Variants in DAB1 observed in about 807,000 individuals in gnomAD.
The protein encoded by DAB1 is disabled homolog 1.
Under a neutral mutation model 64.6 loss-of-function variants are expected in DAB1, and 15 were observed. The ratio of observed to expected loss-of-function variants is 0.23; its 90% CI spans 0.16 to 0.36. The LOEUF is 0.36. DAB1 is among the 10% of genes least tolerant of loss of function. The probability of loss-of-function intolerance (pLI) is 1.00; values close to 1 mark genes in which losing one functional copy is unlikely to be tolerated. For missense variants in DAB1, 596 were observed against 706.7 expected (o/e 0.84, Z 1.78); for synonymous variants, 235 against 251.9 (o/e 0.93, Z 0.64).
At chr1:57,026,387 C>T (rs1646789373) in intron 9 of DAB1, among the ~76,000 whole-genome samples, 1 of 152,190 alleles carries the variant, frequency 6.6e-6, no homozygotes, top group African/African-American at 2.4e-5. Flanking sequence ...GGGAGGCAAT[C>T]CCATCATTGG....
chr1:58,439,915 G>GTTC (rs1644989401), intron 3 of DAB1, among the ~76,000 whole-genome samples: 1 of 151,984 alleles, frequency 6.6e-6, no homozygotes, highest in Non-Finnish European at 1.5e-5. Flanking sequence ...TTTTGTAACA[G>GTTC]TCCTTGGAAG....
intron 6 of DAB1, among the ~76,000 whole-genome samples, chr1:57,781,086 TTCTCTCTCTCTCTCTCTCTCTC>T (rs1180662610): frequency 1.2e-4 from 5 of 42,102 alleles, no homozygotes; most frequent in African/African-American, 6.9e-5. Context: ...TTTGAGATCA[TTCTCTCTCTCTCTCTCTCTCTC>T]TCTCTCTCTC....
intron 1 of DAB1, among the ~76,000 whole-genome samples, chr1:58,538,017 T>C (rs975599504): frequency 6.6e-6 from 1 of 152,156 alleles, no homozygotes; most frequent in African/African-American, 2.4e-5. Flanking sequence ...CGCTTTTGGG[T>C]GCCAACACCA....
At chr1:57,691,182 G>A (rs540837890) in intron 6 of DAB1, among the ~76,000 whole-genome samples, 4 of 152,086 alleles carry the variant, frequency 2.6e-5, no homozygotes, top group African/African-American at 4.8e-5. Context: ...ACCAATCAGT[G>A]CTCTGTGTCT....
intron 7 of DAB1, among the ~76,000 whole-genome samples, chr1:57,553,394 G>GAAAA (rs761502714): frequency 9.9e-5 from 1 of 10,058 alleles, no homozygotes; most frequent in African/African-American, 1.4e-4. Context: ...GAGAAAGAAA[G>GAAAA]AAAGAAAGAA....
chr1:57,050,800 C>T (rs1462859247), intron 9 of DAB1, among the ~76,000 whole-genome samples: 2 of 152,124 alleles, frequency 1.3e-5, no homozygotes, highest in Non-Finnish European at 2.9e-5. Flanking sequence ...CTTTATATGC[C>T]TAGTGAAGAG....
intron 5 of DAB1, chr1:58,049,172 G>A (rs1316967705): frequency 7.7e-6 from 6 of 777,508 alleles, no homozygotes; most frequent in Admixed American, 1.7e-5. Flanking sequence ...CACAGTCCGT[G>A]AGCGTTCCCT....
intron 2 of DAB1, among the ~76,000 whole-genome samples, chr1:57,233,151 C>A (rs1407305333): frequency 6.6e-6 from 1 of 151,964 alleles, no homozygotes; most frequent in Non-Finnish European, 1.5e-5. Context: ...AGTTGGGATC[C>A]CACTTGGAAT....
intron 7 of DAB1, among the ~76,000 whole-genome samples, chr1:57,643,405 G>T (rs988660611): frequency 1.3e-5 from 2 of 152,022 alleles, no homozygotes; most frequent in Admixed American, 6.6e-5. Context: ...ATAGCTTTTA[G>T]TTCCTTATTT....
chr1:57,769,457 G>A (rs765170942), intron 6 of DAB1, among the ~76,000 whole-genome samples: 3 of 152,088 alleles, frequency 2.0e-5, no homozygotes, highest in Non-Finnish European at 4.4e-5. Flanking sequence ...TTCCCTACTG[G>A]GGAAAACTAA....
Position 57,435,342 on chromosome 1 carries a change from C to T in DAB1, n.626-144176G>A, listed in dbSNP as rs150853123. Among the ~76,000 whole-genome samples, 1,331 of 152,236 alleles carry T rather than the reference C, an allele frequency of 8.7e-3. 22 individuals are homozygous for T. The highest frequency in any genetic ancestry group is 0.031 in the African/African-American group (1,273 of 41,568). On this transcript the variant is annotated intron_variant and non_coding_transcript_variant, in intron 7 of 20. Coordinates refer to the DAB1 transcript ENST00000485760. The stretch of plus-strand genomic sequence containing the variant: ...GGGATTACAGGCGTGAGCCACCTTG[C>T]TCAGCCAAAATTTGACTTCTTAAAT...
intron 1 of DAB1, among the ~76,000 whole-genome samples, chr1:57,379,899 A>C (rs1681226595): frequency 6.6e-6 from 1 of 152,204 alleles, no homozygotes; most frequent in African/African-American, 2.4e-5. Flanking sequence ...AAGTTATTTC[A>C]CCATTCTGAT....
chr1:57,759,539 A>G (rs535889120), intron 6 of DAB1, among the ~76,000 whole-genome samples: 1 of 152,236 alleles, frequency 6.6e-6, no homozygotes, highest in Non-Finnish European at 1.5e-5. Flanking sequence ...TATCTACAAA[A>G]TAGACCTATG....
At chr1:57,765,095 A>ATTTGAG in intron 6 of DAB1, among the ~76,000 whole-genome samples, 1 of 152,194 alleles carries the variant, frequency 6.6e-6, no homozygotes, top group Non-Finnish European at 1.5e-5. Context: ...TGTTCACAGC[A>ATTTGAG]CCACAGCAGA....
chr1:57,340,802 G>C (rs932413893), intron 1 of DAB1, among the ~76,000 whole-genome samples: 2 of 152,164 alleles, frequency 1.3e-5, no homozygotes, highest in African/African-American at 2.4e-5. Context: ...AGTTTTCATT[G>C]CTGGTAAACA....
chr1:57,763,590 G>A lies in DAB1; in HGVS notation n.552-113925C>T, dbSNP rs550252830. Among the ~76,000 whole-genome samples, 25 of 152,198 alleles carry A rather than the reference G, an allele frequency of 1.6e-4. No homozygotes were observed. In the South Asian group the frequency reaches 4.8e-3, roughly 29 times the overall value. On this transcript the variant is annotated intron_variant and non_coding_transcript_variant, in intron 6 of 20. Coordinates refer to the DAB1 transcript ENST00000485760. ...ACTACTTGGGAGGCAGAGGTAGGAG[G>A]ATTGCTTGAGCCAGGAGGTGGAGGC...
At chr1:57,453,474 T>C (rs1165341144) in intron 7 of DAB1, among the ~76,000 whole-genome samples, 2 of 152,176 alleles carry the variant, frequency 1.3e-5, no homozygotes, top group Non-Finnish European at 2.9e-5. Flanking sequence ...CTGAAACTTG[T>C]TCTTCAGTAT....
chr1:57,656,310 GTC>G (rs1353991024), intron 6 of DAB1, among the ~76,000 whole-genome samples: 2 of 152,124 alleles, frequency 1.3e-5, no homozygotes, highest in African/African-American at 4.8e-5. Flanking sequence ...TCAAGGAGAG[GTC>G]TGAGTACACA....
At chr1:57,955,822 T>C (rs1645378814) in intron 5 of DAB1, among the ~76,000 whole-genome samples, 1 of 151,958 alleles carries the variant, frequency 6.6e-6, no homozygotes, top group Admixed American at 6.6e-5. Context: ...GAAAAACAAA[T>C]GCACCAAGGT....
Sources: allele counts gnomAD v4.1 joint callset (sites outside exome capture counted in the v4.1 genomes callset), GRCh38; gene constraint gnomAD v4.1.1; transcripts MANE v1.5; gene names NCBI Gene and HGNC (gene_info 2026-07-23, HGNC 2026-07-21).